CAPN15: variants seen among roughly 807,000 people sequenced by gnomAD.
CAPN15 encodes the protein calpain 15.
Under a neutral mutation model 97.9 loss-of-function variants are expected in CAPN15, and 53 were observed. That is an observed-to-expected ratio of 0.54 (90% CI 0.43 to 0.68). The LOEUF (loss-of-function observed/expected upper bound fraction) is 0.68, where lower values mean the gene tolerates loss of function less well. Among genes scored for constraint, CAPN15 ranks in the 30% least tolerant of loss-of-function variants. CAPN15 has a pLI of 0.00. For missense variants in CAPN15, 1,592 were observed against 1,589.8 expected (o/e 1.00, Z -0.02); for synonymous variants, 922 against 722.5 (o/e 1.28, Z -4.43).
intron 2 of CAPN15, 89 bp downstream of exon 2, chr16:534,087 G>A (rs928449714): frequency 3.4e-5 from 18 of 536,876 alleles, no homozygotes; most frequent in African/African-American, 2.4e-4. Flanking sequence ...GAGTGCCCAC[G>A]GCTGGGGGGC....
At chr16:531,662 G>A (rs1006537631) in intron 1 of CAPN15, among the ~76,000 whole-genome samples, 6 of 145,064 alleles carry the variant, frequency 4.1e-5, no homozygotes, top group South Asian at 2.1e-4. Context: ...CAAGGCCTCC[G>A]TCTCCCTCTC....
Position 552,928 on chromosome 16 carries a change from G to A in CAPN15, c.2970G>A (p.Glu990=). The A allele has an allele frequency of 6.2e-7, 1 of 1,611,950 alleles. No homozygotes were observed. Among genetic ancestry groups the A allele is most frequent in the Non-Finnish European group, 8.5e-7 (1 of 1,179,476 alleles). ...GGGCGGGGCTCATCGTGGTGGTGGA[G>A]AACCGACACCCCAAGGCCTACCTGC... The part of the protein sequence containing the change: ...HGWAGLIVVV[E]NRHPKAYLHV... Residue 990 remains glutamate (E), a synonymous_variant, in exon 13 of 14, where the codon GAG becomes GAA. Transcript: ENST00000219611. This position sits in a 1 kb window ranked among gnomAD's most constrained non-coding sequence, Gnocchi z 6.4.
In CAPN15 at chr16:548,276, T is replaced by G. The variant is rs2034741832; in HGVS notation, c.1438T>G (p.Phe480Val). Residue 480 changes from phenylalanine (F) to valine (V), a missense_variant, in exon 4 of 14, where the codon TTC (phenylalanine) becomes GTC (valine). Coordinates refer to ENST00000219611, the MANE Select transcript of CAPN15 (RefSeq NM_005632.3). ...AKALWENIVA[F>V]CRENNVSFVD... ...GGCACTCTGGGAGAACATCGTGGCC[T>G]TCTGCCGGGAGGTGAGGCGCCCCCT... The G allele has an allele frequency of 2.0e-6, 3 of 1,512,160 alleles. No homozygotes were observed. The highest frequency in any genetic ancestry group is 2.7e-6 in the Non-Finnish European group (3 of 1,131,998). The allele number at this position is 1,512,160 out of a possible 1,614,324, so 93.7% of individuals were successfully genotyped here. A position where few individuals can be genotyped will look rare whatever the true frequency, so the allele number is the denominator to read the frequency against.
chr16:541,750 C>T (rs539246473), intron 3 of CAPN15, among the ~76,000 whole-genome samples: 2 of 152,272 alleles, frequency 1.3e-5, no homozygotes, highest in African/African-American at 4.8e-5. Context: ...TCCAGTGTTA[C>T]AGCATCCCGC....
rs1431846746 is a variant in CAPN15 at position 548,306 on chromosome 16, C to G, written c.1449+19C>G. 4 of 1,452,726 alleles carry G rather than the reference C, an allele frequency of 2.8e-6. No homozygotes were observed. In the South Asian group the frequency reaches 5.8e-5, roughly 21 times the overall value. The allele number at this position is 1,452,726 out of a possible 1,614,324, so 90.0% of individuals were successfully genotyped here. A position where few individuals can be genotyped will look rare whatever the true frequency, so the allele number is the denominator to read the frequency against. ...CCGGGAGGTGAGGCGCCCCCTCGCC[C>G]TCTTCCTGCTCCTGAGCCTCCTGCT... is the stretch of plus-strand genomic sequence containing the variant. On this transcript the variant is annotated intron_variant, in intron 4 of 13. Transcript: ENST00000219611.
intron 3 of CAPN15, chr16:536,923 C>G (rs567833125): frequency 6.4e-6 from 1 of 155,470 alleles, no homozygotes; most frequent in Non-Finnish European, 1.4e-5. Flanking sequence ...AGCTGTGTCC[C>G]GGGAGCTCTT....
intron 1 of CAPN15, among the ~76,000 whole-genome samples, chr16:531,086 A>G (rs2033216984): frequency 6.6e-6 from 1 of 152,250 alleles, no homozygotes; most frequent in African/African-American, 2.4e-5. Flanking sequence ...TAAATGTCAC[A>G]GTGACTGCAG....
intron 9 of CAPN15, 53 bp downstream of exon 9, chr16:551,717 G>A: frequency 6.4e-7 from 1 of 1,574,282 alleles, no homozygotes; most frequent in Non-Finnish European, 8.6e-7. Flanking sequence ...CTAGGGCCGA[G>A]TCCTTCTCTG....
chr16:536,978 C>T (rs2033780312), intron 3 of CAPN15: 1 of 269,266 alleles, frequency 3.7e-6, no homozygotes. Flanking sequence ...CCCCGGCACC[C>T]CTCACGGGGC....
rs537596474 is a variant in CAPN15 at position 531,066 on chromosome 16, C to T, written c.-189-2880C>T. Among the ~76,000 whole-genome samples, 6 of 152,398 alleles carry T rather than the reference C, an allele frequency of 3.9e-5. No homozygotes were observed. In the East Asian group the frequency reaches 7.7e-4, roughly 20 times the overall value. On this transcript the variant is annotated intron_variant, in intron 1 of 13. Coordinates refer to ENST00000219611, the MANE Select transcript of CAPN15 (RefSeq NM_005632.3). ...GGATGTCAGGAGGACGCAGGGCCAT[C>T]GCTGCTTTTTAAATGTCACAGTGAC...
At chr16:551,837 C>T (rs983362071) in intron 9 of CAPN15, 173 bp downstream of exon 9, 6 of 1,021,636 alleles carry the variant, frequency 5.9e-6, no homozygotes, top group African/African-American at 3.2e-5. Flanking sequence ...TCAGGTCCAC[C>T]CAGGTCAGCA....
At chr16:528,199 G>A (rs1431202526) in intron 1 of CAPN15, among the ~76,000 whole-genome samples, 170 bp downstream of exon 1, 1 of 151,650 alleles carries the variant, frequency 6.6e-6, no homozygotes, top group Non-Finnish European at 1.5e-5. Context: ...CCCGGAGTGG[G>A]GTCAGCCCGC....
Position 548,297 on chromosome 16 carries a change from C to A in CAPN15, c.1449+10C>A, listed in dbSNP as rs1258816273. 4.1e-6 allele frequency: 6 copies of A among 1,464,560 alleles called. No individual in the cohort carries two copies. The highest frequency in any genetic ancestry group is 2.8e-5 in the South Asian group (2 of 71,580). The allele number at this position is 1,464,560 out of a possible 1,614,324, so 90.7% of individuals were successfully genotyped here. On this transcript the variant is annotated intron_variant, in intron 4 of 13. Transcript: ENST00000219611. ...GGCCTTCTGCCGGGAGGTGAGGCGC[C>A]CCCTCGCCCTCTTCCTGCTCCTGAG...
In CAPN15 at chr16:553,612, A is replaced by C; in HGVS notation, c.*96A>C. 4.2e-6 allele frequency: 3 copies of C among 715,086 alleles called. No individual in the cohort carries two copies. The highest frequency in any genetic ancestry group is 6.4e-6 in the Non-Finnish European group (3 of 470,542). The allele number at this position is 715,086 out of a possible 1,614,324, so 44.3% of individuals were successfully genotyped here. On this transcript the variant is annotated 3_prime_UTR_variant, in exon 14 of 14. Transcript: ENST00000219611. The stretch of plus-strand genomic sequence containing the variant: ...CCCGACAGAGGACGCTTGAGCCAGA[A>C]TCTCAGGACCCCGCCCAGGGAGCTG...
In CAPN15 at chr16:553,806, A is replaced by G. The variant is rs2035275642; in HGVS notation, c.*290A>G. 2 of 325,392 alleles carry G rather than the reference A, an allele frequency of 6.1e-6. No individual in the cohort carries two copies. The highest frequency in any genetic ancestry group is 8.5e-5 in the South Asian group (1 of 11,706). 20.2% of individuals were successfully genotyped at this position (325,392 alleles called of 1,614,324 possible). A position where few individuals can be genotyped will look rare whatever the true frequency, so the allele number is the denominator to read the frequency against. The stretch of plus-strand genomic sequence containing the variant: ...CAGCCCCAACACCCGACGGGGGCCG[A>G]GGCCAGGCTGCCCCTCCCTGTGGGC... On this transcript the variant is annotated 3_prime_UTR_variant, in exon 14 of 14. Transcript: ENST00000219611.
chr16:540,881 G>A (rs1158991013), intron 3 of CAPN15, among the ~76,000 whole-genome samples: 2 of 152,220 alleles, frequency 1.3e-5, no homozygotes, highest in African/African-American at 4.8e-5. Flanking sequence ...GAGGTGCCTG[G>A]TCTGGAGGCA....
Position 544,838 on chromosome 16 carries a change from G to GT in CAPN15, c.-22-1979_-22-1978insT, listed in dbSNP as rs2034462919. 7.6e-5 allele frequency among the ~76,000 whole-genome samples: 5 copies of GT among 65,952 alleles called. 1 individual carries two copies. The highest frequency in any genetic ancestry group is 2.0e-4 in the African/African-American group (2 of 10,024). 43.3% of individuals were successfully genotyped at this position (65,952 alleles called of 152,430 possible). A position where few individuals can be genotyped will look rare whatever the true frequency, so the allele number is the denominator to read the frequency against. ...TCCCCCACGTCGCCTCCCCCACGTC[G>GT]CCTCCCCCACGTCGCCTCCCCCACG... On this transcript the variant is annotated intron_variant, in intron 3 of 13. Transcript: ENST00000219611.
At position 537,135 on chromosome 16, in the gene CAPN15, GT is replaced by G. The variant is rs989248131; in HGVS notation, c.-23+994del. On this transcript the variant is annotated intron_variant, in intron 3 of 13. Coordinates refer to ENST00000219611, the MANE Select transcript of CAPN15 (RefSeq NM_005632.3). Reference sequence around the variant, plus strand: ...AGGGACGTTTGCTTTTCTCTGCAGGGTCCTCTCTTCTCTTCCGAGCACCCAC... The same window carrying G: ...AGGGACGTTTGCTTTTCTCTGCAGGGCCTCTCTTCTCTTCCGAGCACCCAC... 7.1e-6 allele frequency: 7 copies of G among 985,390 alleles called. No individual in the cohort carries two copies. The African/African-American group carries it at 1.2e-4, about 17-fold the overall frequency. The allele number at this position is 985,390 out of a possible 1,614,324, so 61.0% of individuals were successfully genotyped here.
At chr16:543,722 G>A (rs560869346) in intron 3 of CAPN15, among the ~76,000 whole-genome samples, 7 of 152,290 alleles carry the variant, frequency 4.6e-5, no homozygotes, top group South Asian at 4.1e-4. Flanking sequence ...GCCTCCACAC[G>A]CGGAGCCCTC....
Sources: allele counts gnomAD v4.1 joint callset (sites outside exome capture counted in the v4.1 genomes callset), GRCh38; gene constraint gnomAD v4.1.1; non-coding constraint Gnocchi (gnomAD v3.1); transcripts MANE v1.5; gene names NCBI Gene and HGNC (gene_info 2026-07-23, HGNC 2026-07-21).